The following ZFAND3 variants were observed in gnomAD, a reference collection of about 807,000 sequenced individuals.
The protein encoded by ZFAND3 is zinc finger AN1-type containing 3.
Under a neutral mutation model 29.6 loss-of-function variants are expected in ZFAND3, and 10 were observed. That is an observed-to-expected ratio of 0.34 (90% CI 0.21 to 0.57). The LOEUF is 0.57. Ranked by LOEUF, ZFAND3 falls within the 20% of genes least tolerant of loss-of-function variation. The pLI is 0.86. For synonymous variants in ZFAND3, 128 were observed against 112.6 expected, an observed-to-expected ratio of 1.14 and a Z score of -0.87; for missense variants, 230 against 304.5, an observed-to-expected ratio of 0.76 and a Z score of 1.82.
chr6:38,126,730 T>C (rs888398043), intron 5 of ZFAND3, among the ~76,000 whole-genome samples: 2 of 152,202 alleles, frequency 1.3e-5, no homozygotes, highest in African/African-American at 2.4e-5. Flanking sequence ...CTTTAAAATT[T>C]TAACCATGTT....
At chr6:38,007,550 A>T (rs1041453619) in intron 2 of ZFAND3, among the ~76,000 whole-genome samples, 21 of 151,016 alleles carry the variant, frequency 1.4e-4, no homozygotes, top group African/African-American at 4.9e-4. Flanking sequence ...GTTTCAATTT[A>T]AAAAAAAAGA....
At chr6:37,962,046 G>C (rs1762207650) in intron 2 of ZFAND3, among the ~76,000 whole-genome samples, 1 of 152,178 alleles carries the variant, frequency 6.6e-6, no homozygotes. Flanking sequence ...TGAAGAAATA[G>C]AGATATCAGA....
chr6:38,062,076 C>T (rs1316683742), intron 3 of ZFAND3, among the ~76,000 whole-genome samples: 1 of 152,158 alleles, frequency 6.6e-6, no homozygotes, highest in Non-Finnish European at 1.5e-5. Context: ...TAGCACCATT[C>T]CCTCGTTCTC....
At chr6:37,865,811 G>A (rs929667371) in intron 1 of ZFAND3, among the ~76,000 whole-genome samples, 2 of 152,198 alleles carry the variant, frequency 1.3e-5, no homozygotes, top group Non-Finnish European at 2.9e-5. Context: ...CACAAAGAGT[G>A]TGGTCCGTAG....
At chr6:38,025,714 C>G (rs1159098448) in intron 2 of ZFAND3, among the ~76,000 whole-genome samples, 1 of 152,084 alleles carries the variant, frequency 6.6e-6, no homozygotes, top group Non-Finnish European at 1.5e-5. Flanking sequence ...TGATACATGC[C>G]ACAACATAGA....
At chr6:38,083,795 A>G (rs138355296) in intron 4 of ZFAND3, among the ~76,000 whole-genome samples, 40 of 152,192 alleles carry the variant, frequency 2.6e-4, no homozygotes, top group African/African-American at 7.9e-4. Context: ...ACAAGCAGGA[A>G]ACTCTGGTGA....
At chr6:38,027,024 C>T (rs532996989) in intron 2 of ZFAND3, among the ~76,000 whole-genome samples, 62 of 152,234 alleles carry the variant, frequency 4.1e-4, no homozygotes, top group African/African-American at 1.3e-3. Flanking sequence ...ATTCCTATTC[C>T]GTTCCCTAAA....
At position 38,152,648 on chromosome 6, in the gene ZFAND3, A is replaced by G. The variant is rs1483065242; in HGVS notation, c.*259A>G. 6.8e-6 allele frequency: 8 copies of G among 1,175,288 alleles called. No homozygotes were observed. The highest frequency in any genetic ancestry group is 8.4e-6 in the Non-Finnish European group (8 of 951,882). The allele number at this position is 1,175,288 out of a possible 1,614,324, so 72.8% of individuals were successfully genotyped here. On this transcript the variant is annotated 3_prime_UTR_variant, in exon 6 of 6. Transcript: ENST00000287218. Reference sequence around the variant, plus strand: ...GAATATTTTTTTTTTGAGCATGGCTAGTGGATTTAAAACAACACATACCTG... The same window carrying G: ...GAATATTTTTTTTTTGAGCATGGCTGGTGGATTTAAAACAACACATACCTG...
chr6:37,847,278 A>C (rs930272858), intron 1 of ZFAND3, among the ~76,000 whole-genome samples: 9 of 152,096 alleles, frequency 5.9e-5, no homozygotes, highest in Non-Finnish European at 1.2e-4. Context: ...AAGTGCCCCC[A>C]AAAACCTCAT....
rs1228511523 is a variant in ZFAND3, at chr6:38,153,269, TTTTAAAAA to T, written c.*881_*888del. On this transcript the variant is annotated 3_prime_UTR_variant, in exon 6 of 6. Coordinates refer to ENST00000287218, the MANE Select transcript of ZFAND3 (RefSeq NM_021943.3). ...CAGCCAGATTTCTATATTGGGAGTTTTTTAAAAAGACATTTCATAGCCAACAAGAATCA... is the reference window on the plus strand; with the variant it reads ...CAGCCAGATTTCTATATTGGGAGTTTGACATTTCATAGCCAACAAGAATCA... The T allele has an allele frequency of 1.0e-6, 1 of 985,362 alleles. No homozygotes were observed. The highest frequency in any genetic ancestry group is 6.1e-5 in the Admixed American group (1 of 16,274). The allele number at this position is 985,362 out of a possible 1,614,324, so 61.0% of individuals were successfully genotyped here.
At chr6:38,148,553 T>A (rs1384629921) in intron 5 of ZFAND3, among the ~76,000 whole-genome samples, 1 of 152,186 alleles carries the variant, frequency 6.6e-6, no homozygotes, top group Non-Finnish European at 1.5e-5. Context: ...ATATTGAAAT[T>A]ATGGAAAATA....
chr6:37,951,643 G>A (rs1469139959), intron 2 of ZFAND3, among the ~76,000 whole-genome samples: 2 of 152,012 alleles, frequency 1.3e-5, no homozygotes, highest in Non-Finnish European at 1.5e-5. Context: ...TGCAGAAAGC[G>A]ATAGTTTGAC....
chr6:37,845,350 TTTC>T (rs1404346041), intron 1 of ZFAND3, among the ~76,000 whole-genome samples: 1 of 152,172 alleles, frequency 6.6e-6, no homozygotes, highest in African/African-American at 2.4e-5. Context: ...GTTTTTTAAT[TTTC>T]TTCTGGGTTA....
chr6:37,976,040 TTCTC>T (rs1762471552), intron 2 of ZFAND3, among the ~76,000 whole-genome samples: 3 of 152,180 alleles, frequency 2.0e-5, no homozygotes, highest in African/African-American at 4.8e-5. Flanking sequence ...CTTCTTTAAT[TTCTC>T]TCAGCAAAAT....
chr6:37,992,956 A>G (rs764046528), intron 2 of ZFAND3, among the ~76,000 whole-genome samples: 2 of 152,178 alleles, frequency 1.3e-5, no homozygotes, highest in African/African-American at 2.4e-5. Context: ...TTTTTTGGCA[A>G]TAATACTTTA....
At chr6:37,837,060 C>A (rs981238936) in intron 1 of ZFAND3, among the ~76,000 whole-genome samples, 10 of 152,164 alleles carry the variant, frequency 6.6e-5, no homozygotes, top group Non-Finnish European at 1.0e-4. Context: ...TACTCAGATT[C>A]CATGTCTCTC....
At chr6:37,857,781 G>A (rs949560954) in intron 1 of ZFAND3, among the ~76,000 whole-genome samples, 2 of 152,328 alleles carry the variant, frequency 1.3e-5, no homozygotes, top group Admixed American at 1.3e-4. Context: ...AATAGTTTAT[G>A]TGATGGCTTG....
At chr6:38,035,192 C>G (rs542389282) in intron 2 of ZFAND3, among the ~76,000 whole-genome samples, 59 of 151,908 alleles carry the variant, frequency 3.9e-4, no homozygotes, top group Non-Finnish European at 8.1e-4. Flanking sequence ...GTGTGTAACT[C>G]GAGAGCAGTA....
rs373874494 is a variant in ZFAND3 at position 37,969,359 on chromosome 6, C to T, written c.112+39360C>T. ...TAAATCCATTGTAAGTTGAAAATGCCGTAAGTCAAAAAGGTGGTTAATACC... is the reference window on the plus strand; with the variant it reads ...TAAATCCATTGTAAGTTGAAAATGCTGTAAGTCAAAAAGGTGGTTAATACC... On this transcript the variant is annotated intron_variant, in intron 2 of 5. Coordinates refer to ENST00000287218, the MANE Select transcript of ZFAND3 (RefSeq NM_021943.3). 2.0e-3 allele frequency among the ~76,000 whole-genome samples: 311 copies of T among 152,150 alleles called. 1 individual carries two copies. The highest frequency in any genetic ancestry group is 6.8e-3 in the Middle Eastern group (2 of 294).
Sources: gnomAD v4.1 joint callset for allele counts (sites outside exome capture counted in the v4.1 genomes callset) on GRCh38, gnomAD v4.1.1 for gene constraint, MANE v1.5 for transcripts, NCBI Gene and HGNC (gene_info 2026-07-23, HGNC 2026-07-21) for gene names.